Variants in WWOX observed in about 807,000 individuals in gnomAD.
WWOX encodes the protein WW domain-containing oxidoreductase.
Under a neutral mutation model 46.2 loss-of-function variants are expected in WWOX, and 69 were observed. That is an observed-to-expected ratio of 1.49 (90% CI 1.23 to 1.82). The LOEUF (loss-of-function observed/expected upper bound fraction) is 1.82, where lower values mean the gene tolerates loss of function less well. Ranked by LOEUF, WWOX falls within the 40% of genes most tolerant of loss-of-function variation. WWOX has a pLI of 0.00. For synonymous variants in WWOX, 359 were observed against 202.6 expected (o/e 1.77, Z -6.56); for missense variants, 919 against 542.6 (o/e 1.69, Z -6.89).
chr16:78,637,238 A>G (rs1200275218), intron 8 of WWOX, among the ~76,000 whole-genome samples: 1 of 152,090 alleles, frequency 6.6e-6, no homozygotes, highest in Non-Finnish European at 1.5e-5. Flanking sequence ...CCTGGGCAAC[A>G]TGGTGAACTC....
chr16:78,986,061 G>A (rs1469908706), intron 8 of WWOX, among the ~76,000 whole-genome samples: 3 of 152,192 alleles, frequency 2.0e-5, no homozygotes, highest in African/African-American at 7.2e-5. Flanking sequence ...GCTTGTCCAC[G>A]ATGGCATGGG....
At chr16:78,751,245 A>G (rs1194387362) in intron 8 of WWOX, among the ~76,000 whole-genome samples, 2 of 151,916 alleles carry the variant, frequency 1.3e-5, no homozygotes, top group Non-Finnish European at 2.9e-5. Flanking sequence ...TTAGAAGAAG[A>G]TATGAGATAA....
intron 5 of WWOX, among the ~76,000 whole-genome samples, chr16:78,286,918 T>A (rs1005441168): frequency 1.3e-5 from 2 of 152,342 alleles, no homozygotes; most frequent in Admixed American, 1.3e-4. Context: ...GATTTTAAAA[T>A]CAATTTTATA....
chr16:78,123,440 G>GTTTTGTTTTGTTTTTTTTTTTTTTTTTTT (rs1567584444), intron 4 of WWOX: 8 of 50,478 alleles, frequency 1.6e-4, no homozygotes, highest in Admixed American at 7.3e-4. Flanking sequence ...TTTTTGTTTT[G>GTTTTGTTTTGTTTTTTTTTTTTTTTTTTT]TTTTTTTTTT....
chr16:78,236,837 G>T (rs1217327319), intron 5 of WWOX, among the ~76,000 whole-genome samples: 3 of 152,152 alleles, frequency 2.0e-5, no homozygotes, highest in African/African-American at 4.8e-5. Context: ...AGCACTTTGG[G>T]AGGCCGAGAT....
intron 8 of WWOX, among the ~76,000 whole-genome samples, chr16:78,809,865 G>C (rs1197283393): frequency 6.6e-6 from 1 of 152,142 alleles, no homozygotes; most frequent in Non-Finnish European, 1.5e-5. Flanking sequence ...TGGCAGATCA[G>C]TTGCATGTGC....
chr16:79,136,234 CTTTTTTT>C (rs1223038831), intron 8 of WWOX, among the ~76,000 whole-genome samples: 9 of 142,326 alleles, frequency 6.3e-5, no homozygotes, highest in African/African-American at 2.3e-4. Flanking sequence ...GTCACTTCTT[CTTTTTTT>C]TTTTTTTTAA....
intron 5 of WWOX, among the ~76,000 whole-genome samples, chr16:78,278,050 A>T (rs1257280957): frequency 6.6e-6 from 1 of 152,166 alleles, no homozygotes; most frequent in Admixed American, 6.5e-5. Flanking sequence ...AAAGCAATGA[A>T]ATATCCCTTA....
intron 5 of WWOX, chr16:78,264,485 C>A (rs934270582): frequency 5.3e-5 from 8 of 152,218 alleles, no homozygotes; most frequent in African/African-American, 1.9e-4. Context: ...GGAGAAATTC[C>A]TGCAGATCAT....
At chr16:78,117,726 G>A (rs2032873144) in intron 4 of WWOX, among the ~76,000 whole-genome samples, 1 of 152,156 alleles carries the variant, frequency 6.6e-6, no homozygotes, top group African/African-American at 2.4e-5. Context: ...ATAGCTGAAT[G>A]CCGAGTGAGT....
In WWOX at chr16:78,231,312, TA is replaced by T. The variant is rs562297836; in HGVS notation, c.516+67030del. Among the ~76,000 whole-genome samples, 20 of 152,306 alleles carry T rather than the reference TA, an allele frequency of 1.3e-4. No homozygotes were observed. In the South Asian group the frequency reaches 2.7e-3, roughly 21 times the overall value. ...GGCTTCGGCATTTTCACAGTGTCCA[TA>T]AAAAAATGTATATTACTATGCATTG... On this transcript the variant is annotated intron_variant, in intron 5 of 8. Coordinates refer to ENST00000566780, the MANE Select transcript of WWOX (RefSeq NM_016373.4).
intron 8 of WWOX, among the ~76,000 whole-genome samples, chr16:78,699,747 C>G (rs907393593): frequency 7.2e-5 from 11 of 152,286 alleles, no homozygotes; most frequent in Admixed American, 2.0e-4. Flanking sequence ...TGCCTTTTTT[C>G]AGGCTCTTCT....
At chr16:78,874,692 T>TTC (rs2044199977) in intron 8 of WWOX, among the ~76,000 whole-genome samples, 3 of 139,350 alleles carry the variant, frequency 2.2e-5, no homozygotes, top group Non-Finnish European at 3.0e-5. Flanking sequence ...TTCTTTTTTT[T>TTC]TTTTTTTTTT....
At chr16:78,634,865 TG>T (rs2046530062) in intron 8 of WWOX, among the ~76,000 whole-genome samples, 2 of 143,576 alleles carry the variant, frequency 1.4e-5, no homozygotes, top group Admixed American at 6.8e-5. Flanking sequence ...TGTGTGTGTG[TG>T]TGTGTGTGCG....
chr16:78,673,355 C>G (rs1046769236), intron 8 of WWOX, among the ~76,000 whole-genome samples: 1 of 152,190 alleles, frequency 6.6e-6, no homozygotes, highest in Non-Finnish European at 1.5e-5. Context: ...TGCTAGGAAA[C>G]TCTTCGCCTC....
chr16:78,499,512 G>A (rs769688728), intron 8 of WWOX, among the ~76,000 whole-genome samples: 8 of 152,162 alleles, frequency 5.3e-5, no homozygotes, highest in Non-Finnish European at 1.0e-4. Context: ...AACTAGCAGC[G>A]ACTGCAGATT....
rs77956166 is a variant in WWOX at position 78,226,008 on chromosome 16, T to A, written c.516+61719T>A. Among the ~76,000 whole-genome samples the A allele has an allele frequency of 8.3e-4, 126 of 152,294 alleles. No homozygotes were observed. The East Asian group carries it at 0.019, about 23-fold the overall frequency. Reference sequence around the variant, plus strand: ...TACTGCTATTCCTTTTACTGGTACTTCTGCATCTTAAAAAAACAAAACAAA... The same window carrying A: ...TACTGCTATTCCTTTTACTGGTACTACTGCATCTTAAAAAAACAAAACAAA... On this transcript the variant is annotated intron_variant, in intron 5 of 8. Transcript: ENST00000566780.
At chr16:78,801,324 A>G (rs1313795137) in intron 8 of WWOX, among the ~76,000 whole-genome samples, 1 of 152,134 alleles carries the variant, frequency 6.6e-6, no homozygotes, top group Non-Finnish European at 1.5e-5. Context: ...ACCCTGGCCA[A>G]CATGGTGAAA....
At chr16:78,854,586 C>T (rs2052524724) in intron 8 of WWOX, among the ~76,000 whole-genome samples, 1 of 152,118 alleles carries the variant, frequency 6.6e-6, no homozygotes, top group South Asian at 2.1e-4. Flanking sequence ...TAATTTGTTT[C>T]TTTTTTTTCT....
Sources: allele counts gnomAD v4.1 joint callset (sites outside exome capture counted in the v4.1 genomes callset), GRCh38; gene constraint gnomAD v4.1.1; transcripts MANE v1.5; gene names NCBI Gene and HGNC (gene_info 2026-07-23, HGNC 2026-07-21).